The following PIWIL1 variants were observed in gnomAD, a reference collection of about 807,000 sequenced individuals.
PIWIL1 encodes piwi like RNA-mediated gene silencing 1, also known as piwi-like protein 1.
Under a neutral mutation model 114.4 loss-of-function variants are expected in PIWIL1, and 73 were observed. That is an observed-to-expected ratio of 0.64 (90% CI 0.53 to 0.78). The LOEUF (loss-of-function observed/expected upper bound fraction) is 0.78, where lower values mean the gene tolerates loss of function less well. PIWIL1 is among the 30% of genes least tolerant of loss of function. PIWIL1 has a pLI of 0.00. For synonymous variants in PIWIL1, 375 were observed against 369.0 expected (o/e 1.02, Z -0.19); for missense variants, 723 against 1,063.1 (o/e 0.68, Z 4.45).
chr12:130,392,152 C>T, the PIWIL1 span, among the ~76,000 whole-genome samples: 1 of 86,864 alleles, frequency 1.2e-5, no homozygotes, highest in East Asian at 2.4e-4. Context: ...CCGTCAGTTA[C>T]CTGGTGAATA....
chr12:130,420,528 T>A, the PIWIL1 span, among the ~76,000 whole-genome samples: 11 of 152,140 alleles, frequency 7.2e-5, no homozygotes, highest in Non-Finnish European at 1.3e-4. This position sits in a 1 kb window ranked among gnomAD's most constrained non-coding sequence, Gnocchi z 4.3. Flanking sequence ...CAAAAGTAGT[T>A]TCATTTGGGA....
the PIWIL1 span, among the ~76,000 whole-genome samples, chr12:130,387,919 GT>G: frequency 6.6e-6 from 1 of 152,144 alleles, no homozygotes; most frequent in African/African-American, 2.4e-5. Context: ...AGTTTTCTGT[GT>G]TTTAAAACTT....
chr12:130,397,263 A>AAGATTGGGTTTTTT, the PIWIL1 span: 1 of 396,070 alleles, frequency 2.5e-6, no homozygotes. Flanking sequence ...GTCAGGGGAG[A>AAGATTGGGTTTTTT]AGATTGGGTT....
chr12:130,346,576 C>G lies in PIWIL1; in HGVS notation c.523C>G (p.Gln175Glu). ...GTILFLPKRL[Q>E]QKVTEVFSKT... ...GATATTATTTTTACCTAAAAGACTACAGCAAAAGGTTATTTGGGAAAAGGG... is the reference window on the plus strand; with the variant it reads ...GATATTATTTTTACCTAAAAGACTAGAGCAAAAGGTTATTTGGGAAAAGGG... Residue 175 changes from glutamine to glutamate, a missense_variant, in exon 5 of 21, where the codon CAG (glutamine) becomes GAG (glutamate). By Grantham distance (29) the Gln-to-Glu change is conservative. Coordinates refer to ENST00000245255, the MANE Select transcript of PIWIL1 (RefSeq NM_004764.5). 6.2e-7 allele frequency: 1 copy of G among 1,611,448 alleles called. No homozygotes were observed. The highest frequency in any genetic ancestry group is 8.5e-7 in the Non-Finnish European group (1 of 1,177,812).
chr12:130,375,156 G>T (rs933778285), downstream of PIWIL1, among the ~76,000 whole-genome samples: 2 of 152,078 alleles, frequency 1.3e-5, no homozygotes, highest in Admixed American at 6.6e-5. Context: ...GGTAGCTCCT[G>T]GCTTGCTCAC....
intron 6 of PIWIL1, 70 bp from the exon 7 acceptor site, chr12:130,348,033 C>T (rs1404330594): frequency 1.0e-5 from 11 of 1,051,128 alleles, no homozygotes; most frequent in South Asian, 1.5e-5. Context: ...CTGCTCTAAA[C>T]GACATGCTGT....
At chr12:130,359,096 C>T (rs1165905685) in intron 14 of PIWIL1, among the ~76,000 whole-genome samples, 2 of 152,198 alleles carry the variant, frequency 1.3e-5, no homozygotes, top group Non-Finnish European at 2.9e-5. Context: ...GAAATTCTAT[C>T]AACATTGATA....
the PIWIL1 span, chr12:130,406,353 A>G: frequency 1.0e-5 from 7 of 686,982 alleles, no homozygotes; most frequent in Non-Finnish European, 1.7e-5. Context: ...TCTGGTATTA[A>G]TCTACTCTTT....
the PIWIL1 span, among the ~76,000 whole-genome samples, chr12:130,412,320 A>G: frequency 6.6e-6 from 1 of 152,174 alleles, no homozygotes; most frequent in Non-Finnish European, 1.5e-5. Context: ...GCAGCTAATC[A>G]TGTGTTTTCT....
chr12:130,424,110 G>C, the PIWIL1 span: 2 of 1,147,760 alleles, frequency 1.7e-6, no homozygotes, highest in Non-Finnish European at 2.2e-6. This position sits in a 1 kb window ranked among gnomAD's most constrained non-coding sequence, Gnocchi z 9.8. Flanking sequence ...GGTTTGGCAA[G>C]CGGCTGTGAA....
chr12:130,422,624 TAG>T, the PIWIL1 span: 4 of 1,209,968 alleles, frequency 3.3e-6, no homozygotes, highest in Non-Finnish European at 4.7e-6. The surrounding 1 kb of genome is among the most constrained non-coding windows in gnomAD (Gnocchi z 5.2). Context: ...AGAATTCAGT[TAG>T]CCAAATCAAG....
In PIWIL1 at chr12:130,349,406, A is replaced by G. The variant is rs1171152761; in HGVS notation, c.902A>G (p.Lys301Arg). 1.9e-6 allele frequency: 3 copies of G among 1,612,416 alleles called. No homozygotes were observed. In the Admixed American group the frequency reaches 5.0e-5, roughly 27 times the overall value. ...CATAAATTTCAAGAACAAGTTTCCA[A>G]AGAACTAATAGGTTTAGTTGTTCTT... ...EEHKFQEQVSKELIGLVVLTK... is the reference protein window; with the variant it reads ...EEHKFQEQVSRELIGLVVLTK... Residue 301 changes from lysine (K) to arginine (R), a missense_variant, in exon 8 of 21, where the codon AAA (lysine) becomes AGA (arginine). By Grantham distance (26) the Lys-to-Arg change is conservative (BLOSUM62 2). Coordinates refer to ENST00000245255, the MANE Select transcript of PIWIL1 (RefSeq NM_004764.5).
chr12:130,361,815 T>C (rs1359062453), intron 16 of PIWIL1, among the ~76,000 whole-genome samples: 3 of 152,238 alleles, frequency 2.0e-5, no homozygotes, highest in East Asian at 3.8e-4. Context: ...TTTAATCATA[T>C]GTATTGGCGA....
chr12:130,394,193 C>CT, the PIWIL1 span, among the ~76,000 whole-genome samples: 1 of 152,120 alleles, frequency 6.6e-6, no homozygotes, highest in East Asian at 1.9e-4. Context: ...GATTCATCCT[C>CT]TTTTTTAGAG....
At chr12:130,410,098 A>G in the PIWIL1 span, among the ~76,000 whole-genome samples, 1 of 152,220 alleles carries the variant, frequency 6.6e-6, no homozygotes, top group African/African-American at 2.4e-5. Context: ...GTGTGTGTGC[A>G]TTGGTTTCTC....
rs774686225 is a variant in PIWIL1, at chr12:130,349,943, C to T, written c.1020C>T (p.Val340=). The T allele has an allele frequency of 5.0e-6, 8 of 1,610,638 alleles. No homozygotes were observed. The highest frequency in any genetic ancestry group is 4.0e-5 in the African/African-American group (3 of 74,798). ...TTAAGAAAGCCGACGGCTCTGAAGT[C>T]AGCTTCTTAGAATACTACAGGAAGG... ...STFKKADGSE[V]SFLEYYRKQY... is the part of the protein sequence containing the mutation. Residue 340 remains valine, a synonymous_variant, in exon 9 of 21, where the codon GTC becomes GTT. Coordinates refer to ENST00000245255, the MANE Select transcript of PIWIL1 (RefSeq NM_004764.5).
chr12:130,342,792 C>A, intron 2 of PIWIL1, 123 bp downstream of exon 2: 1 of 792,982 alleles, frequency 1.3e-6, no homozygotes, highest in South Asian at 1.6e-5. Context: ...GAGATCATGC[C>A]CTGTTTCCTC....
intron 3 of PIWIL1, among the ~76,000 whole-genome samples, chr12:130,344,781 A>G (rs1218126375): frequency 1.3e-5 from 2 of 152,246 alleles, no homozygotes; most frequent in African/African-American, 4.8e-5. Context: ...CAGGAAGTAC[A>G]AAAGTCACAT....
chr12:130,400,445 C>T, the PIWIL1 span, among the ~76,000 whole-genome samples: 549 of 152,282 alleles, frequency 3.6e-3, 4 homozygotes, highest in African/African-American at 0.013. Context: ...ATATCTATGC[C>T]TTGTCTAAAG....
Sources: gnomAD v4.1 joint callset for allele counts (sites outside exome capture counted in the v4.1 genomes callset) on GRCh38, gnomAD v4.1.1 for gene constraint, Gnocchi (gnomAD v3.1) non-coding constraint, MANE v1.5 for transcripts, NCBI Gene and HGNC (gene_info 2026-07-23, HGNC 2026-07-21) for gene names.